Variants in DHRS3 observed in about 807,000 individuals in gnomAD.
DHRS3 encodes dehydrogenase/reductase 3, also known as short-chain dehydrogenase/reductase 3.
In DHRS3, 14 loss-of-function variants were observed where a neutral mutation model predicts 27.2. The ratio of observed to expected loss-of-function variants is 0.52; its 90% CI spans 0.34 to 0.81. The LOEUF (loss-of-function observed/expected upper bound fraction) is 0.81, where lower values mean the gene tolerates loss of function less well. DHRS3 is among the 30% of genes least tolerant of loss of function. The pLI, the probability that DHRS3 is intolerant of heterozygous loss-of-function variation, is 0.01. For missense variants in DHRS3, 322 were observed against 406.2 expected, an observed-to-expected ratio of 0.79 and a Z score of 1.78; for synonymous variants, 165 against 175.9, an observed-to-expected ratio of 0.94 and a Z score of 0.49.
chr1:12,595,398 G>T (rs1646786784), intron 1 of DHRS3, among the ~76,000 whole-genome samples: 1 of 151,778 alleles, frequency 6.6e-6, no homozygotes, highest in Non-Finnish European at 1.5e-5. Context: ...CCAGGGGCGG[G>T]CGCGGGGCGG....
intron 1 of DHRS3, among the ~76,000 whole-genome samples, chr1:12,607,859 GTA>G (rs1646881464): frequency 6.6e-6 from 1 of 151,892 alleles, no homozygotes; most frequent in Non-Finnish European, 1.5e-5. Flanking sequence ...GTGTGTGTGT[GTA>G]TGTGTGTGTG....
At chr1:12,585,943 GA>G (rs1168323213) in intron 1 of DHRS3, among the ~76,000 whole-genome samples, 1 of 152,226 alleles carries the variant, frequency 6.6e-6, no homozygotes, top group Non-Finnish European at 1.5e-5. Flanking sequence ...CAGAGGCCTG[GA>G]ATTTACTCTT....
intron 4 of DHRS3, among the ~76,000 whole-genome samples, chr1:12,576,209 AC>A: frequency 6.6e-6 from 1 of 152,276 alleles, no homozygotes. Flanking sequence ...TGAAATAGAC[AC>A]ACAAACTCGA....
In DHRS3 at chr1:12,568,144, T is replaced by C; in HGVS notation, c.*196A>G. 1 of 544,898 alleles carries C rather than the reference T, an allele frequency of 1.8e-6. No homozygotes were observed. Among genetic ancestry groups the C allele is most frequent in the Non-Finnish European group, 3.3e-6 (1 of 299,790 alleles). 33.8% of individuals were successfully genotyped at this position (544,898 alleles called of 1,614,324 possible). ...GCTTCTGGCTGTTTTCCTGCCTCCC[T>C]GTGGGGGTCAGTTATACCCATCAGT... On this transcript the variant is annotated 3_prime_UTR_variant, in exon 6 of 6. Coordinates refer to ENST00000616661, the MANE Select transcript of DHRS3 (RefSeq NM_004753.7).
chr1:12,603,878 C>A (rs1410014233), intron 1 of DHRS3, among the ~76,000 whole-genome samples: 1 of 152,192 alleles, frequency 6.6e-6, no homozygotes, highest in African/African-American at 2.4e-5. Flanking sequence ...TACTCTCCAC[C>A]CTGAGCTTGC....
At chr1:12,597,228 C>T (rs1646804857) in intron 1 of DHRS3, among the ~76,000 whole-genome samples, 1 of 152,214 alleles carries the variant, frequency 6.6e-6, no homozygotes, top group African/African-American at 2.4e-5. Flanking sequence ...AGGCGCCCAC[C>T]ACCGCACCTG....
intron 1 of DHRS3, among the ~76,000 whole-genome samples, chr1:12,604,518 C>A (rs75296446): frequency 0.014 from 2,071 of 152,336 alleles, 46 homozygotes; most frequent in African/African-American, 0.047. Context: ...TCCCTGCCCG[C>A]ATCCTGTTGA....
intron 4 of DHRS3, among the ~76,000 whole-genome samples, chr1:12,573,275 A>G (rs921198762): frequency 4.6e-5 from 7 of 152,302 alleles, no homozygotes; most frequent in African/African-American, 2.4e-5. Flanking sequence ...AGCTCTCTCA[A>G]CAGCCTGGCT....
chr1:12,613,590 T>C (rs979375301), intron 1 of DHRS3, among the ~76,000 whole-genome samples: 2 of 152,108 alleles, frequency 1.3e-5, no homozygotes, highest in African/African-American at 4.8e-5. Context: ...TGCTGGAGAA[T>C]GGGGTTCATA....
chr1:12,573,024 C>T (rs55991483), intron 4 of DHRS3, among the ~76,000 whole-genome samples, 171 bp from the exon 5 acceptor site: 1 of 152,082 alleles, frequency 6.6e-6, no homozygotes, highest in Non-Finnish European at 1.5e-5. Flanking sequence ...GCCACATTCC[C>T]TCACTCCTCC....
At chr1:12,607,299 A>C (rs1016014365) in intron 1 of DHRS3, among the ~76,000 whole-genome samples, 1 of 152,316 alleles carries the variant, frequency 6.6e-6, no homozygotes, top group East Asian at 1.9e-4. Context: ...TGATACAGTT[A>C]AGCATTGTGT....
chr1:12,568,315 C>T lies in DHRS3; in HGVS notation c.*25G>A. The T allele has an allele frequency of 6.2e-7, 1 of 1,610,640 alleles. No individual in the cohort carries two copies. Among genetic ancestry groups the T allele is most frequent in the Non-Finnish European group, 8.5e-7 (1 of 1,177,092 alleles). ...GCTGTGGCCCCCAAACTCCGTGGCT[C>T]CTCAAGCATGTCTTCATCCTGTCTC... On this transcript the variant is annotated 3_prime_UTR_variant, in exon 6 of 6. Coordinates refer to ENST00000616661, the MANE Select transcript of DHRS3 (RefSeq NM_004753.7).
chr1:12,578,801 C>A lies in DHRS3; in HGVS notation c.615G>T (p.Gly205=). ...AFAFMESLTL[G]LLDCPGVSAT... is the part of the protein sequence containing the mutation. The stretch of plus-strand genomic sequence containing the variant: ...CGCTGACTCCCGGACAGTCCAGCAG[C>A]CCCAGGGTCAGGCTCTCCATGAAGG... The change falls in exon 4 of 6, where the codon GGG becomes GGT. Residue 205 remains glycine, a synonymous_variant. Transcript: ENST00000616661. The surrounding 1 kb of genome is among the most constrained non-coding windows in gnomAD (Gnocchi z 4.5). 1.2e-6 allele frequency: 2 copies of A among 1,614,010 alleles called. No individual in the cohort carries two copies. Among genetic ancestry groups the A allele is most frequent in the East Asian group, 2.2e-5 (1 of 44,882 alleles).
intron 1 of DHRS3, among the ~76,000 whole-genome samples, chr1:12,603,073 C>T (rs956280109): frequency 3.3e-5 from 5 of 152,242 alleles, no homozygotes; most frequent in African/African-American, 1.2e-4. Context: ...CTCAGCCCCG[C>T]TTGGGCATTC....
chr1:12,580,299 A>C lies in DHRS3; in HGVS notation c.339+224T>G, dbSNP rs1052138285. ...TCCTGGAGAGAAACCCACACGGTCTACATTTCCAAGGGAACAACAGATGAT... is the reference window on the plus strand; with the variant it reads ...TCCTGGAGAGAAACCCACACGGTCTCCATTTCCAAGGGAACAACAGATGAT... On this transcript the variant is annotated intron_variant, in intron 2 of 5. Coordinates refer to ENST00000616661, the MANE Select transcript of DHRS3 (RefSeq NM_004753.7). 6.8e-6 allele frequency: 4 copies of C among 587,044 alleles called. No individual in the cohort carries two copies. In the South Asian group the frequency reaches 7.5e-5, roughly 11 times the overall value. The allele number at this position is 587,044 out of a possible 1,614,324, so 36.4% of individuals were successfully genotyped here.
intron 1 of DHRS3, among the ~76,000 whole-genome samples, chr1:12,589,995 G>A (rs1244180328): frequency 6.6e-6 from 1 of 152,180 alleles, no homozygotes; most frequent in Middle Eastern, 3.4e-3. Flanking sequence ...AGCCTTGACT[G>A]GGGCAAAACC....
chr1:12,611,217 G>A (rs1303641797), intron 1 of DHRS3, among the ~76,000 whole-genome samples: 1 of 152,236 alleles, frequency 6.6e-6, no homozygotes, highest in Admixed American at 6.5e-5. Context: ...AGAGCTTGAA[G>A]TCGAAATGAG....
chr1:12,603,805 T>C (rs904220212), intron 1 of DHRS3, among the ~76,000 whole-genome samples: 1 of 152,206 alleles, frequency 6.6e-6, no homozygotes, highest in Non-Finnish European at 1.5e-5. Flanking sequence ...TAAGAAAGGC[T>C]GGGGCCCAGT....
At chr1:12,615,887 C>A (rs1030164350) in intron 1 of DHRS3, among the ~76,000 whole-genome samples, 1 of 152,146 alleles carries the variant, frequency 6.6e-6, no homozygotes, top group East Asian at 1.9e-4. Flanking sequence ...AGCGGCTGTC[C>A]AAACCACCCA....
Sources: gnomAD v4.1 joint callset for allele counts (sites outside exome capture counted in the v4.1 genomes callset) on GRCh38, gnomAD v4.1.1 for gene constraint, Gnocchi (gnomAD v3.1) non-coding constraint, MANE v1.5 for transcripts, NCBI Gene and HGNC (gene_info 2026-07-23, HGNC 2026-07-21) for gene names.